KRT75: variants seen among roughly 807,000 people sequenced by gnomAD.
KRT75 encodes keratin 75, also known as keratin, type II cytoskeletal 75.
In KRT75, 35 loss-of-function variants were observed where a neutral mutation model predicts 48.8. The observed-to-expected ratio is 0.72, with a 90% CI of 0.55 to 0.95. The LOEUF is 0.95. Among genes scored for constraint, KRT75 ranks in the 40% least tolerant of loss-of-function variants. KRT75 has a pLI of 0.00. For missense variants in KRT75, 776 were observed against 709.9 expected, an observed-to-expected ratio of 1.09 and a Z score of -1.06; for synonymous variants, 301 against 282.3, an observed-to-expected ratio of 1.07 and a Z score of -0.66.
intron 7 of KRT75, 82 bp from the exon 8 acceptor site, chr12:52,426,933 G>T: frequency 1.7e-6 from 2 of 1,179,398 alleles, no homozygotes; most frequent in Non-Finnish European, 2.5e-6. Flanking sequence ...TTTTGTAATT[G>T]TTGACAAAGC....
chr12:52,425,910 G>A (rs1345687498), intron 8 of KRT75, among the ~76,000 whole-genome samples: 2 of 152,176 alleles, frequency 1.3e-5, no homozygotes, highest in Non-Finnish European at 2.9e-5. Context: ...AGACAATTAG[G>A]TGTTTTCAAG....
chr12:52,428,759 C>T lies in KRT75; in HGVS notation c.1036-16G>A, dbSNP rs760863544. ...GCTCCTCGTACTGAGAGAACCAGAG[C>T]AAACCCAGTCACTGAGTCAAATGCC... On this transcript the variant is annotated splice_polypyrimidine_tract_variant and intron_variant, in intron 5 of 8. Transcript: ENST00000252245. 1.2e-5 allele frequency: 20 copies of T among 1,613,580 alleles called. No homozygotes were observed. The highest frequency in any genetic ancestry group is 1.7e-5 in the Non-Finnish European group (20 of 1,180,058).
intron 5 of KRT75, among the ~76,000 whole-genome samples, chr12:52,429,448 A>T (rs1940115925): frequency 6.6e-6 from 1 of 152,246 alleles, no homozygotes. Flanking sequence ...AGCAATAATT[A>T]CACCCTGTCT....
At chr12:52,433,682 C>T (rs1282733475) in intron 1 of KRT75, 125 bp downstream of exon 1, 5 of 1,454,794 alleles carry the variant, frequency 3.4e-6, no homozygotes, top group South Asian at 2.5e-5. Context: ...CCCCTGGGAG[C>T]CCGTGCTGAA....
At chr12:52,429,952 A>G (rs749937549) in intron 5 of KRT75, among the ~76,000 whole-genome samples, 2 of 152,164 alleles carry the variant, frequency 1.3e-5, no homozygotes, top group South Asian at 2.1e-4. Flanking sequence ...TCTTCCTGAC[A>G]TAAACTCCCT....
At chr12:52,428,201 G>T (rs1940096611) in intron 7 of KRT75, 55 bp downstream of exon 7, 2 of 1,604,972 alleles carry the variant, frequency 1.2e-6, no homozygotes, top group Admixed American at 3.3e-5. Context: ...GAATGCCCAG[G>T]AAGCTGAGGT....
At position 52,424,652 on chromosome 12, in the gene KRT75, A is replaced by G. The variant is rs775458872; in HGVS notation, c.1521T>C (p.Ser507=). 6.2e-7 allele frequency: 1 copy of G among 1,614,122 alleles called. No individual in the cohort carries two copies. The highest frequency in any genetic ancestry group is 8.5e-7 in the Non-Finnish European group (1 of 1,179,984). Residue 507 remains serine, a synonymous_variant, in exon 9 of 9, where the codon AGT becomes AGC. Transcript: ENST00000252245. ...GGCCTGCACCCAGGCTATGCCCACC[A>G]CTGGTGGTGAAGGAGTAGCCGCTGC... The part of the protein sequence containing the change: ...GGGSGYSFTT[S]GGHSLGAGLG...
rs1940049627 is a variant in KRT75, at chr12:52,424,303, G to T, written c.*214C>A. ...AGAGCCTTAGGAGAGAGCAGGCTTT[G>T]GTTTCACATGTGTAACAGACGGGTG... On this transcript the variant is annotated 3_prime_UTR_variant, in exon 9 of 9. Coordinates refer to ENST00000252245, the MANE Select transcript of KRT75 (RefSeq NM_004693.3). 2 of 671,650 alleles carry T rather than the reference G, an allele frequency of 3.0e-6. No homozygotes were observed. The highest frequency in any genetic ancestry group is 2.7e-6 in the Non-Finnish European group (1 of 370,602). 41.6% of individuals were successfully genotyped at this position (671,650 alleles called of 1,614,324 possible). A position where few individuals can be genotyped will look rare whatever the true frequency, so the allele number is the denominator to read the frequency against.
Position 52,432,950 on chromosome 12 carries a change from C to A in KRT75, c.713+88G>T. The A allele has an allele frequency of 4.5e-6, 6 of 1,326,086 alleles. No homozygotes were observed. In the Admixed American group the frequency reaches 1.0e-4, roughly 23 times the overall value. 82.1% of individuals were successfully genotyped at this position (1,326,086 alleles called of 1,614,324 possible). A position where few individuals can be genotyped will look rare whatever the true frequency, so the allele number is the denominator to read the frequency against. On this transcript the variant is annotated intron_variant, in intron 2 of 8. Transcript: ENST00000252245. ...CAGTTCCAAAGCTCCCGGCTGATAT[C>A]GGCATTTGCTCCTTTGCACCTCTCT... is the stretch of plus-strand genomic sequence containing the variant.
intron 5 of KRT75, 84 bp downstream of exon 5, chr12:52,430,457 G>C (rs1052221851): frequency 1.4e-6 from 2 of 1,393,420 alleles, no homozygotes; most frequent in Non-Finnish European, 2.0e-6. Flanking sequence ...GTGCTCACAC[G>C]TTTCCTGAGG....
chr12:52,428,439 T>G lies in KRT75; in HGVS notation c.1199A>C (p.Gln400Pro), dbSNP rs1940101836. The change falls in exon 7 of 9, where the codon CAG becomes CCG. Residue 400 changes from glutamine (Q) to proline (P), a missense_variant. Gln to Pro is a moderately conservative substitution (Grantham distance 76). Coordinates refer to ENST00000252245, the MANE Select transcript of KRT75 (RefSeq NM_004693.3). ...SLQTAIADAE[Q>P]RGELALKDAR... ...ATCCTTGAGAGCCAGTTCTCCCCGC[T>G]GCTCTGCATCAGCAATGGCCGTTTG... is the stretch of plus-strand genomic sequence containing the variant. 1 of 1,613,994 alleles carries G rather than the reference T, an allele frequency of 6.2e-7. No individual in the cohort carries two copies. The highest frequency in any genetic ancestry group is 1.1e-5 in the South Asian group (1 of 91,072).
At position 52,428,417 on chromosome 12, in the gene KRT75, CT is replaced by C. The variant is rs1565791743; in HGVS notation, c.1220del (p.Lys407ArgfsTer31). The C allele has an allele frequency of 5.0e-6, 8 of 1,614,148 alleles. No individual in the cohort carries two copies. Among genetic ancestry groups the C allele is most frequent in the Middle Eastern group, 1.6e-4 (1 of 6,062 alleles). ...GGTCCACCAGCTTGGCCCGTGCATC[CT>C]TGAGAGCCAGTTCTCCCCGCTGCTC... is the stretch of plus-strand genomic sequence containing the variant. ...DAEQRGELAL[K>X]DARAKLVDLE... On this transcript the variant is annotated frameshift_variant, in exon 7 of 9. Transcript: ENST00000252245. LOFTEE classifies it high-confidence loss of function.
At position 52,428,465 on chromosome 12, in the gene KRT75, C is replaced by G. The variant is rs750929816; in HGVS notation, c.1173G>C (p.Leu391Phe). ...GCTCTGCATCAGCAATGGCCGTTTG[C>G]AAGCTGGAACACTGTAAGGACAGGA... ...IDSVKKQCSS[L>F]QTAIADAEQR... Residue 391 changes from leucine to phenylalanine, a missense_variant, in exon 7 of 9, where the codon TTG becomes TTC. Leu to Phe is a conservative substitution (Grantham distance 22). Coordinates refer to ENST00000252245, the MANE Select transcript of KRT75 (RefSeq NM_004693.3). The G allele has an allele frequency of 6.2e-7, 1 of 1,613,438 alleles. No homozygotes were observed. Among genetic ancestry groups the G allele is most frequent in the Admixed American group, 1.7e-5 (1 of 59,898 alleles).
chr12:52,424,439 G>A lies in KRT75; in HGVS notation c.*78C>T. 1 of 1,279,398 alleles carries A rather than the reference G, an allele frequency of 7.8e-7. No individual in the cohort carries two copies. 79.3% of individuals were successfully genotyped at this position (1,279,398 alleles called of 1,614,324 possible). A position where few individuals can be genotyped will look rare whatever the true frequency, so the allele number is the denominator to read the frequency against. The stretch of plus-strand genomic sequence containing the variant: ...CACAGGTGCACCTTACAAGGAGAGA[G>A]GAAGGAGGAGGACCCTGGTGTCCAG... On this transcript the variant is annotated 3_prime_UTR_variant, in exon 9 of 9. Transcript: ENST00000252245.
intron 7 of KRT75, among the ~76,000 whole-genome samples, chr12:52,427,934 T>C (rs1488938144): frequency 6.6e-6 from 1 of 152,178 alleles, no homozygotes; most frequent in Non-Finnish European, 1.5e-5. Flanking sequence ...GCCCAAATCC[T>C]AGGACTGTTT....
chr12:52,424,824 T>C, intron 8 of KRT75, 69 bp from the exon 9 acceptor site: 2 of 1,284,608 alleles, frequency 1.6e-6, no homozygotes, highest in Non-Finnish European at 2.3e-6. Flanking sequence ...TGTGAGGGCC[T>C]GTGCCCTGGA....
At position 52,434,363 on chromosome 12, in the gene KRT75, A is replaced by G; in HGVS notation, c.-59T>C. The G allele has an allele frequency of 6.6e-7, 1 of 1,524,688 alleles. No homozygotes were observed. The highest frequency in any genetic ancestry group is 1.4e-5 in the African/African-American group (1 of 72,680). The allele number at this position is 1,524,688 out of a possible 1,614,324, so 94.4% of individuals were successfully genotyped here. ...AGGTGGGCTGGTACAGGCAGTGGAG[A>G]AGACAGGTGGCTGGAGAGCCCTGGT... On this transcript the variant is annotated 5_prime_UTR_variant, in exon 1 of 9. Coordinates refer to ENST00000252245, the MANE Select transcript of KRT75 (RefSeq NM_004693.3).
chr12:52,431,748 T>C, intron 3 of KRT75, 110 bp from the exon 4 acceptor site: 2 of 899,972 alleles, frequency 2.2e-6, no homozygotes, highest in Admixed American at 1.9e-5. Flanking sequence ...TTTAGAAAAC[T>C]CTGGGTCTGG....
chr12:52,425,694 C>G (rs1222847756), intron 8 of KRT75, among the ~76,000 whole-genome samples: 2 of 152,192 alleles, frequency 1.3e-5, no homozygotes, highest in African/African-American at 2.4e-5. Context: ...CCTCCGTGTT[C>G]CAGAACACTA....
Sources: allele counts gnomAD v4.1 joint callset (sites outside exome capture counted in the v4.1 genomes callset), GRCh38; gene constraint gnomAD v4.1.1; transcripts MANE v1.5; gene names NCBI Gene and HGNC (gene_info 2026-07-23, HGNC 2026-07-21).